TMEM178B: variants seen among roughly 807,000 people sequenced by gnomAD.
TMEM178B encodes transmembrane protein 178B.
TMEM178B carries 5 observed loss-of-function variants against 31.0 expected under a neutral mutation model. That is an observed-to-expected ratio of 0.16 (90% CI 0.08 to 0.34). The LOEUF is 0.34. Ranked by LOEUF, TMEM178B falls within the 10% of genes least tolerant of loss-of-function variation. TMEM178B has a pLI of 1.00. For missense variants in TMEM178B, 275 were observed against 400.3 expected (o/e 0.69, Z 2.67); for synonymous variants, 164 against 164.0 (o/e 1.00, Z 0.00).
chr7:141,075,471 ATGATAAAAATTTATT>A (rs1347894864), intron 1 of TMEM178B, among the ~76,000 whole-genome samples: 5 of 152,262 alleles, frequency 3.3e-5, no homozygotes, highest in African/African-American at 1.2e-4. Flanking sequence ...GCATTTGCTA[ATGATAAAAATTTATT>A]TGATACTTTA....
chr7:141,189,167 A>G (rs1236871697), intron 1 of TMEM178B, among the ~76,000 whole-genome samples: 1 of 152,270 alleles, frequency 6.6e-6, no homozygotes, highest in Non-Finnish European at 1.5e-5. Flanking sequence ...ATCAAATGAC[A>G]AAAGAGAATC....
At chr7:141,193,318 A>C (rs930923741) in intron 1 of TMEM178B, among the ~76,000 whole-genome samples, 5 of 152,216 alleles carry the variant, frequency 3.3e-5, no homozygotes, top group Admixed American at 6.5e-5. Flanking sequence ...TGTCTGTCTT[A>C]TCTCTCTCTG....
chr7:141,436,842 G>A (rs1801552897), intron 2 of TMEM178B, among the ~76,000 whole-genome samples: 1 of 152,192 alleles, frequency 6.6e-6, no homozygotes, highest in Admixed American at 6.5e-5. Flanking sequence ...TGGAGCTGAT[G>A]GGTTAGCCAG....
chr7:141,176,384 A>G (rs1010390902), intron 1 of TMEM178B, among the ~76,000 whole-genome samples: 7 of 152,160 alleles, frequency 4.6e-5, no homozygotes, highest in Admixed American at 2.6e-4. Context: ...GGATTTTCAC[A>G]TCGATGTTCA....
chr7:141,277,383 G>T (rs539690059), intron 2 of TMEM178B, among the ~76,000 whole-genome samples: 20 of 152,180 alleles, frequency 1.3e-4, no homozygotes, highest in African/African-American at 4.6e-4. Flanking sequence ...GCATAGGGTT[G>T]GGATCATCAA....
the TMEM178B span, among the ~76,000 whole-genome samples, chr7:141,507,256 G>A: frequency 1.4e-4 from 21 of 152,308 alleles, no homozygotes; most frequent in East Asian, 3.9e-4. Context: ...CCAACCCCGC[G>A]TTTCCCTTCT....
intron 2 of TMEM178B, among the ~76,000 whole-genome samples, chr7:141,339,745 C>T (rs1391946620): frequency 6.6e-6 from 1 of 152,082 alleles, no homozygotes; most frequent in Non-Finnish European, 1.5e-5. Flanking sequence ...TGGAGAGCAC[C>T]TGTCTAAGCT....
chr7:141,397,213 C>G (rs1342349595), intron 2 of TMEM178B, among the ~76,000 whole-genome samples: 1 of 152,142 alleles, frequency 6.6e-6, no homozygotes, highest in Non-Finnish European at 1.5e-5. Flanking sequence ...AGCTTCTTTC[C>G]CCCAGAAATG....
At chr7:141,223,495 T>C (rs1797288896) in intron 2 of TMEM178B, among the ~76,000 whole-genome samples, 1 of 138,050 alleles carries the variant, frequency 7.2e-6, no homozygotes, top group Non-Finnish European at 1.7e-5. Context: ...TTTTTTTTTT[T>C]TGTATTTCCC....
At position 141,477,681 on chromosome 7, in the gene TMEM178B, G is replaced by C. The variant is rs1334745786; in HGVS notation, c.*6895G>C. Reference sequence around the variant, plus strand: ...CGTCTTCTCAGCCAAATGGGGATCAGGGGCTTCCAGGGCTCTGGGGGTGCG... The same window carrying C: ...CGTCTTCTCAGCCAAATGGGGATCACGGGCTTCCAGGGCTCTGGGGGTGCG... On this transcript the variant is annotated 3_prime_UTR_variant, in exon 4 of 4. Coordinates refer to ENST00000565468, the MANE Select transcript of TMEM178B (RefSeq NM_001195278.2). 2 of 152,224 alleles carry C rather than the reference G, an allele frequency of 1.3e-5. No homozygotes were observed. Among genetic ancestry groups the C allele is most frequent in the African/African-American group, 4.8e-5 (2 of 41,422 alleles). 9.4% of individuals were successfully genotyped at this position (152,224 alleles called of 1,614,324 possible).
At chr7:141,281,119 C>T (rs975058695) in intron 2 of TMEM178B, among the ~76,000 whole-genome samples, 10 of 151,952 alleles carry the variant, frequency 6.6e-5, no homozygotes, top group African/African-American at 2.4e-4. Flanking sequence ...GGATTCAAGG[C>T]ACCCTGTTAC....
chr7:141,393,108 T>C (rs1800575845), intron 2 of TMEM178B, among the ~76,000 whole-genome samples: 1 of 152,136 alleles, frequency 6.6e-6, no homozygotes. Flanking sequence ...CTCATTTTCT[T>C]CTGCGGGGCT....
At chr7:141,179,524 A>AT (rs939370285) in intron 1 of TMEM178B, among the ~76,000 whole-genome samples, 94 of 151,674 alleles carry the variant, frequency 6.2e-4, no homozygotes, top group African/African-American at 2.0e-3. Context: ...CTCTTTATTG[A>AT]TTTTTTTTTC....
At position 141,074,642 on chromosome 7, in the gene TMEM178B, A is replaced by G. The variant is rs920690800; in HGVS notation, c.332A>G (p.Lys111Arg). The stretch of plus-strand genomic sequence containing the variant: ...TCCACCAACATGGGCCTCTGGAGGA[A>G]GTGCCACCGGCAGGGCTTCGACCCC... ...YNSTNMGLWR[K>R]CHRQGFDPEI... Residue 111 changes from lysine (K) to arginine (R), a missense_variant, in exon 1 of 4, where the codon AAG becomes AGG. Transcript: ENST00000565468. The surrounding 1 kb of genome is among the most constrained non-coding windows in gnomAD (Gnocchi z 5.1). 2.0e-6 allele frequency: 3 copies of G among 1,525,674 alleles called. No individual in the cohort carries two copies. In the African/African-American group the frequency reaches 4.1e-5, roughly 21 times the overall value. 94.5% of individuals were successfully genotyped at this position (1,525,674 alleles called of 1,614,324 possible). A position where few individuals can be genotyped will look rare whatever the true frequency, so the allele number is the denominator to read the frequency against.
chr7:141,161,019 G>T (rs1436288240), intron 1 of TMEM178B, among the ~76,000 whole-genome samples: 5 of 151,972 alleles, frequency 3.3e-5, no homozygotes, highest in Non-Finnish European at 5.9e-5. Context: ...CACCATGCCT[G>T]GCTAATTTTG....
chr7:141,336,088 G>C (rs1046646216), intron 2 of TMEM178B, among the ~76,000 whole-genome samples: 12 of 152,054 alleles, frequency 7.9e-5, no homozygotes. Flanking sequence ...ACTTGCCACG[G>C]GCAGACTTGG....
chr7:141,352,923 GA>G lies in TMEM178B; in HGVS notation c.497-84679del, dbSNP rs1371897701. Among the ~76,000 whole-genome samples, 4 of 152,152 alleles carry G rather than the reference GA, an allele frequency of 2.6e-5. No individual in the cohort carries two copies. In the East Asian group the frequency reaches 5.8e-4, roughly 22 times the overall value. ...ATCCCAAATGTGCCAGGCTCAGTAA[GA>G]AAAAAGAGAACCAAAGATGGATAGA... On this transcript the variant is annotated intron_variant, in intron 2 of 3. Coordinates refer to ENST00000565468, the MANE Select transcript of TMEM178B (RefSeq NM_001195278.2).
At chr7:141,322,474 G>A (rs558775483) in intron 2 of TMEM178B, among the ~76,000 whole-genome samples, 8 of 152,264 alleles carry the variant, frequency 5.3e-5, no homozygotes, top group Non-Finnish European at 8.8e-5. Context: ...GGTGGAGCTT[G>A]GAGTGACCCA....
intron 2 of TMEM178B, among the ~76,000 whole-genome samples, chr7:141,386,732 G>T (rs114163997): frequency 0.028 from 4,271 of 152,156 alleles, 186 homozygotes; most frequent in African/African-American, 0.097. Flanking sequence ...GTTATCTTCG[G>T]CCTGTCCTTT....
Sources: allele counts gnomAD v4.1 joint callset (sites outside exome capture counted in the v4.1 genomes callset), GRCh38; gene constraint gnomAD v4.1.1; non-coding constraint Gnocchi (gnomAD v3.1); transcripts MANE v1.5; gene names NCBI Gene and HGNC (gene_info 2026-07-23, HGNC 2026-07-21).